C1QTNF3: variants seen among roughly 807,000 people sequenced by gnomAD.
C1QTNF3 encodes complement C1q tumor necrosis factor-related protein 3.
C1QTNF3 carries 26 observed loss-of-function variants against 32.6 expected under a neutral mutation model. The ratio of observed to expected loss-of-function variants is 0.80; its 90% CI spans 0.58 to 1.11. C1QTNF3 has a LOEUF of 1.11. C1QTNF3 is among the 50% of genes least tolerant of loss of function. The pLI is 0.00. For synonymous variants in C1QTNF3, 155 were observed against 146.0 expected, an observed-to-expected ratio of 1.06 and a Z score of -0.44; for missense variants, 362 against 398.2, an observed-to-expected ratio of 0.91 and a Z score of 0.77.
chr5:34,018,007 T>C lies in C1QTNF3; in HGVS notation c.*2576A>G, dbSNP rs142575750. On this transcript the variant is annotated 3_prime_UTR_variant, in exon 6 of 6. Transcript: ENST00000382065. ...GTTTTCAAATTGTCCTTAGTAGCATTTGAGAGTGTTCTTAATATGTTTAGT... is the reference window on the plus strand; with the variant it reads ...GTTTTCAAATTGTCCTTAGTAGCATCTGAGAGTGTTCTTAATATGTTTAGT... 2.9e-4 allele frequency among the ~76,000 whole-genome samples: 43 copies of C among 147,308 alleles called. No individual in the cohort carries two copies. Among genetic ancestry groups the C allele is most frequent in the African/African-American group, 1.1e-3 (41 of 36,902 alleles).
the C1QTNF3 span, among the ~76,000 whole-genome samples, chr5:34,213,066 T>C: frequency 2.0e-5 from 3 of 152,252 alleles, no homozygotes; most frequent in Admixed American, 1.3e-4. Flanking sequence ...AGTGGATTTC[T>C]ATATCACGAT....
At chr5:34,159,921 G>A in the C1QTNF3 span, among the ~76,000 whole-genome samples, 2 of 150,180 alleles carry the variant, frequency 1.3e-5, no homozygotes, top group Non-Finnish European at 3.0e-5. Flanking sequence ...ATACATTAAG[G>A]AGCAATATTA....
At chr5:34,197,133 G>A in the C1QTNF3 span, among the ~76,000 whole-genome samples, 3 of 152,416 alleles carry the variant, frequency 2.0e-5, no homozygotes, top group South Asian at 4.1e-4. Context: ...TAAGTAAAAC[G>A]TTCTTTAAAG....
At chr5:34,048,261 A>AGTGT in the C1QTNF3 span, among the ~76,000 whole-genome samples, 167 of 136,624 alleles carry the variant, frequency 1.2e-3, 2 homozygotes, top group African/African-American at 5.2e-3. Context: ...TAAGCATGGT[A>AGTGT]GTGTGTGTGT....
chr5:34,230,090 T>C, the C1QTNF3 span, among the ~76,000 whole-genome samples: 9 of 152,144 alleles, frequency 5.9e-5, no homozygotes, highest in African/African-American at 1.9e-4. Flanking sequence ...CTTCCCAACT[T>C]TCAGAACTCT....
chr5:34,039,715 C>T (rs1162652254), intron 1 of C1QTNF3, among the ~76,000 whole-genome samples: 3 of 152,166 alleles, frequency 2.0e-5, no homozygotes, highest in African/African-American at 4.8e-5. Flanking sequence ...AGAAGATTTC[C>T]CACTTTTCCA....
the C1QTNF3 span, among the ~76,000 whole-genome samples, chr5:34,079,729 C>CA: frequency 6.6e-6 from 1 of 151,552 alleles, no homozygotes; most frequent in African/African-American, 2.4e-5. Context: ...AAGTCTGAGT[C>CA]AAAATCATAG....
chr5:34,195,602 G>C, the C1QTNF3 span, among the ~76,000 whole-genome samples: 1 of 152,232 alleles, frequency 6.6e-6, no homozygotes, highest in African/African-American at 2.4e-5. Context: ...AGCACTTTGG[G>C]AGGCCGAGGC....
At chr5:34,023,146 C>T (rs939222563) in intron 5 of C1QTNF3, among the ~76,000 whole-genome samples, 3 of 152,168 alleles carry the variant, frequency 2.0e-5, no homozygotes, top group Non-Finnish European at 4.4e-5. Flanking sequence ...TGAGCCACCG[C>T]GCCTGGCTCA....
upstream of C1QTNF3, among the ~76,000 whole-genome samples, chr5:34,044,517 G>A (rs1466042560): frequency 1.3e-5 from 2 of 152,142 alleles, no homozygotes; most frequent in East Asian, 3.9e-4. Flanking sequence ...GCTGTTGACA[G>A]CTGCCCCCAT....
chr5:34,138,334 C>A, the C1QTNF3 span, among the ~76,000 whole-genome samples: 1 of 152,154 alleles, frequency 6.6e-6, no homozygotes, highest in East Asian at 1.9e-4. Flanking sequence ...GTACCTATTA[C>A]CTTATATACA....
the C1QTNF3 span, among the ~76,000 whole-genome samples, chr5:34,132,717 G>A: frequency 0.013 from 1,981 of 152,192 alleles, 50 homozygotes; most frequent in African/African-American, 0.045. Context: ...ATTTTGAGAT[G>A]TGATTGATGG....
chr5:34,021,813 A>T (rs1319732582), intron 5 of C1QTNF3, among the ~76,000 whole-genome samples: 1 of 152,228 alleles, frequency 6.6e-6, no homozygotes, highest in African/African-American at 2.4e-5. Context: ...TAACTAACAC[A>T]TGCAGGGTTT....
the C1QTNF3 span, among the ~76,000 whole-genome samples, chr5:34,142,118 G>A: frequency 6.6e-6 from 1 of 152,130 alleles, no homozygotes; most frequent in Non-Finnish European, 1.5e-5. Flanking sequence ...GGAGCCCCAT[G>A]GTCCAGAACA....
At chr5:34,054,516 C>T in the C1QTNF3 span, among the ~76,000 whole-genome samples, 23 of 152,194 alleles carry the variant, frequency 1.5e-4, no homozygotes, top group South Asian at 6.2e-4. Context: ...ATGAATGAGC[C>T]GGGCTGTGTT....
the C1QTNF3 span, chr5:34,239,531 C>T: frequency 6.6e-6 from 1 of 151,366 alleles, no homozygotes; most frequent in East Asian, 1.9e-4. Context: ...TTAAAAAGAA[C>T]AATTGAAGAA....
chr5:34,055,524 G>A, the C1QTNF3 span, among the ~76,000 whole-genome samples: 1 of 152,174 alleles, frequency 6.6e-6, no homozygotes, highest in Non-Finnish European at 1.5e-5. Flanking sequence ...TGACATACAC[G>A]GGGCTGATTC....
chr5:34,211,398 T>C, the C1QTNF3 span, among the ~76,000 whole-genome samples: 1 of 150,754 alleles, frequency 6.6e-6, no homozygotes, highest in African/African-American at 2.4e-5. Context: ...GTATACCCCC[T>C]TTTTTTTTAT....
the C1QTNF3 span, among the ~76,000 whole-genome samples, chr5:34,139,381 T>TA: frequency 6.6e-6 from 1 of 152,026 alleles, no homozygotes; most frequent in African/African-American, 2.4e-5. Context: ...GTATACTTCA[T>TA]AAAAAACATA....
Sources: allele counts gnomAD v4.1 joint callset (sites outside exome capture counted in the v4.1 genomes callset), GRCh38; gene constraint gnomAD v4.1.1; transcripts MANE v1.5; gene names NCBI Gene and HGNC (gene_info 2026-07-23, HGNC 2026-07-21).